The following FER1L6 variants were observed in gnomAD, a reference collection of about 807,000 sequenced individuals.
FER1L6 encodes fer-1 like family member 6.
Under a neutral mutation model 219.2 loss-of-function variants are expected in FER1L6, and 177 were observed. The observed-to-expected ratio is 0.81, with a 90% CI of 0.71 to 0.91. The LOEUF (loss-of-function observed/expected upper bound fraction) is 0.91. Among genes scored for constraint, FER1L6 ranks in the 40% least tolerant of loss-of-function variants. The pLI is 0.00. For synonymous variants in FER1L6, 768 were observed against 824.3 expected, an observed-to-expected ratio of 0.93 and a Z score of 1.17; for missense variants, 2,153 against 2,259.9, an observed-to-expected ratio of 0.95 and a Z score of 0.96.
chr8:123,969,813 G>C (rs1226503553), intron 5 of FER1L6, among the ~76,000 whole-genome samples: 1 of 146,064 alleles, frequency 6.8e-6, no homozygotes, highest in Non-Finnish European at 1.5e-5. Context: ...GCTGCAGTGA[G>C]CCCTAATTGT....
Position 124,064,486 on chromosome 8 carries a change from C to G in FER1L6, c.3468C>G (p.Ile1156Met), listed in dbSNP as rs200483816. The stretch of plus-strand genomic sequence containing the variant: ...ACTCTGCCCAGGCCCAGCCGGCCAT[C>G]CTGGTTGACGTCCCTGACTCATCCC... ...VPDSAQAQPA[I>M]LVDVPDSSPM... The change falls in exon 26 of 41, where the codon ATC becomes ATG. Residue 1156 changes from isoleucine (I) to methionine (M), a missense_variant. Transcript: ENST00000522917. The G allele has an allele frequency of 6.2e-7, 1 of 1,614,082 alleles. No homozygotes were observed. Among genetic ancestry groups the G allele is most frequent in the Admixed American group, 1.7e-5 (1 of 59,986 alleles).
At chr8:124,072,150 A>C (rs1586669113) in intron 31 of FER1L6, among the ~76,000 whole-genome samples, 1 of 152,320 alleles carries the variant, frequency 6.6e-6, no homozygotes, top group Non-Finnish European at 1.5e-5. Context: ...GAGGGAACCA[A>C]ATAGGAGGGA....
At chr8:123,915,305 G>T (rs1019519567) in intron 1 of FER1L6, among the ~76,000 whole-genome samples, 2 of 152,128 alleles carry the variant, frequency 1.3e-5, no homozygotes, top group Non-Finnish European at 2.9e-5. Context: ...AGCCAGGGGG[G>T]TGAGGGGCAG....
At chr8:124,024,306 T>C (rs965934535) in intron 18 of FER1L6, among the ~76,000 whole-genome samples, 2 of 151,858 alleles carry the variant, frequency 1.3e-5, no homozygotes, top group African/African-American at 4.8e-5. Context: ...GTCACCTGAG[T>C]AGTGTACAAT....
chr8:123,991,992 G>A (rs1331667233), intron 12 of FER1L6, among the ~76,000 whole-genome samples: 1 of 151,984 alleles, frequency 6.6e-6, no homozygotes, highest in East Asian at 1.9e-4. Context: ...TTTATTTGAT[G>A]TATCACTTAT....
chr8:124,083,219 G>A (rs1333257277), intron 33 of FER1L6, among the ~76,000 whole-genome samples: 1 of 152,038 alleles, frequency 6.6e-6, no homozygotes, highest in Non-Finnish European at 1.5e-5. Flanking sequence ...TAGTTGCCCT[G>A]TTGTGCTATC....
At chr8:123,857,506 T>C (rs892218027) in intron 1 of FER1L6, among the ~76,000 whole-genome samples, 3 of 152,132 alleles carry the variant, frequency 2.0e-5, no homozygotes, top group Non-Finnish European at 2.9e-5. Context: ...TGAGACACTA[T>C]CTCAGAAAAA....
At chr8:123,912,696 A>T (rs1350945576) in intron 1 of FER1L6, among the ~76,000 whole-genome samples, 1 of 152,160 alleles carries the variant, frequency 6.6e-6, no homozygotes, top group Non-Finnish European at 1.5e-5. Context: ...GTTAGTAGGT[A>T]TTTTAGAGTC....
At chr8:124,075,655 CT>C (rs1821252911) in intron 31 of FER1L6, among the ~76,000 whole-genome samples, 1 of 152,120 alleles carries the variant, frequency 6.6e-6, no homozygotes, top group Non-Finnish European at 1.5e-5. Flanking sequence ...TTTTATATGA[CT>C]GTTAGCACAG....
chr8:123,880,292 T>G (rs1817086337), intron 1 of FER1L6, among the ~76,000 whole-genome samples: 1 of 152,156 alleles, frequency 6.6e-6, no homozygotes, highest in African/African-American at 2.4e-5. Flanking sequence ...ACTCCCACTG[T>G]ATTTAACGCC....
intron 1 of FER1L6, among the ~76,000 whole-genome samples, chr8:123,944,163 A>T (rs1586495539): frequency 6.6e-6 from 1 of 152,144 alleles, no homozygotes; most frequent in African/African-American, 2.4e-5. Flanking sequence ...AGCCCAATGC[A>T]TGGCTCATTC....
chr8:124,041,789 G>A (rs897883507), intron 20 of FER1L6, among the ~76,000 whole-genome samples: 3 of 152,206 alleles, frequency 2.0e-5, no homozygotes, highest in Admixed American at 1.3e-4. Context: ...TGTTTTGAGA[G>A]TTAGTATAGA....
rs957273537 is a variant in FER1L6 at position 124,119,880 on chromosome 8, G to A, written c.*90G>A. The stretch of plus-strand genomic sequence containing the variant: ...AAGAACATGTCCCATGCATGGCACT[G>A]TGCTGAGTGCTAAGGGGACAGATCA... On this transcript the variant is annotated 3_prime_UTR_variant, in exon 41 of 41. Transcript: ENST00000522917. 4.5e-6 allele frequency: 6 copies of A among 1,345,212 alleles called. No homozygotes were observed. Among genetic ancestry groups the A allele is most frequent in the Admixed American group, 3.9e-5 (2 of 50,796 alleles). The allele number at this position is 1,345,212 out of a possible 1,614,324, so 83.3% of individuals were successfully genotyped here.
chr8:124,030,506 T>C (rs1488654964), intron 18 of FER1L6, among the ~76,000 whole-genome samples: 2 of 152,056 alleles, frequency 1.3e-5, no homozygotes. Context: ...GAAATGGAAA[T>C]TCATCACCGA....
chr8:124,050,589 A>G (rs139069181), intron 22 of FER1L6, among the ~76,000 whole-genome samples: 102 of 152,172 alleles, frequency 6.7e-4, no homozygotes, highest in African/African-American at 2.4e-3. Context: ...CAATACCTCT[A>G]TCTTAGGCGC....
chr8:124,009,885 G>A (rs1817835261), intron 13 of FER1L6, among the ~76,000 whole-genome samples: 1 of 151,926 alleles, frequency 6.6e-6, no homozygotes, highest in Non-Finnish European at 1.5e-5. Context: ...GTAGTTCGAA[G>A]GTCAGGTAGC....
chr8:123,898,812 T>TACATATGTGTATATATATAC (rs1563677623), intron 1 of FER1L6, among the ~76,000 whole-genome samples: 5 of 138,494 alleles, frequency 3.6e-5, no homozygotes, highest in Non-Finnish European at 7.7e-5. Context: ...TACACATATA[T>TACATATGTGTATATATATAC]ATACATATGT....
At chr8:123,887,357 G>T (rs559494344) in intron 1 of FER1L6, among the ~76,000 whole-genome samples, 7 of 152,248 alleles carry the variant, frequency 4.6e-5, no homozygotes, top group African/African-American at 1.4e-4. Flanking sequence ...AACCGATTTG[G>T]TTCCCTCCTG....
chr8:124,027,502 T>TC (rs1257162350), intron 18 of FER1L6, among the ~76,000 whole-genome samples: 1 of 152,168 alleles, frequency 6.6e-6, no homozygotes, highest in Non-Finnish European at 1.5e-5. Context: ...TGTAATTTTG[T>TC]CCCCCTCATA....
Sources: allele counts gnomAD v4.1 joint callset (sites outside exome capture counted in the v4.1 genomes callset), GRCh38; gene constraint gnomAD v4.1.1; transcripts MANE v1.5; gene names NCBI Gene and HGNC (gene_info 2026-07-23, HGNC 2026-07-21).